The following THAP4 variants were observed in gnomAD, a reference collection of about 807,000 sequenced individuals.
THAP4 encodes THAP domain containing 4.
THAP4 carries 18 observed loss-of-function variants against 48.1 expected under a neutral mutation model. That is an observed-to-expected ratio of 0.37 (90% CI 0.26 to 0.56). THAP4 has a LOEUF of 0.56. Ranked by LOEUF, THAP4 falls within the 20% of genes least tolerant of loss-of-function variation. The pLI is 0.78. For missense variants in THAP4, 656 were observed against 774.9 expected (o/e 0.85, Z 1.82); for synonymous variants, 345 against 324.9 (o/e 1.06, Z -0.66).
At chr2:241,586,952 T>A (rs1486704896) in intron 5 of THAP4, among the ~76,000 whole-genome samples, 1 of 152,206 alleles carries the variant, frequency 6.6e-6, no homozygotes, top group Non-Finnish European at 1.5e-5. Context: ...ATGGCCAATT[T>A]TCTGAGCCTA....
intron 2 of THAP4, among the ~76,000 whole-genome samples, chr2:241,607,373 G>A (rs985464008): frequency 6.6e-6 from 1 of 151,876 alleles, no homozygotes; most frequent in Non-Finnish European, 1.5e-5. Flanking sequence ...TGGATGCACG[G>A]GCCCTGCTCT....
intron 2 of THAP4, among the ~76,000 whole-genome samples, chr2:241,615,120 T>C (rs1559228415): frequency 6.6e-6 from 1 of 152,046 alleles, no homozygotes; most frequent in Non-Finnish European, 1.5e-5. Context: ...CAAAAACGTA[T>C]ATATTCTATG....
chr2:241,592,442 C>T (rs973625992), intron 5 of THAP4, among the ~76,000 whole-genome samples: 3 of 152,288 alleles, frequency 2.0e-5, no homozygotes, highest in South Asian at 2.1e-4. Context: ...GCTCAGTCAC[C>T]GGACATGAGT....
At chr2:241,595,078 T>C (rs1324699594) in intron 5 of THAP4, among the ~76,000 whole-genome samples, 1 of 152,042 alleles carries the variant, frequency 6.6e-6, no homozygotes, top group Non-Finnish European at 1.5e-5. Context: ...AGTGGCGCCA[T>C]CTCAGCTCAT....
chr2:241,623,877 G>A (rs2067464416), intron 2 of THAP4, among the ~76,000 whole-genome samples: 1 of 152,174 alleles, frequency 6.6e-6, no homozygotes, highest in Non-Finnish European at 1.5e-5. Flanking sequence ...GGACACTTCT[G>A]TGGCCACATG....
rs758078148 is a variant in THAP4 at position 241,633,837 on chromosome 2, T to C, written c.320A>G (p.Lys107Arg). Reference protein sequence around the residue: ...HGRTRRKDASKATGGVRGHSS... With the variant: ...HGRTRRKDASRATGGVRGHSS... Reference sequence around the variant, plus strand: ...GTGTCCCCTCACACCCCCTGTGGCCTTGCTGGCATCTTTTCTCCGGGTGCG... The same window carrying C: ...GTGTCCCCTCACACCCCCTGTGGCCCTGCTGGCATCTTTTCTCCGGGTGCG... The change falls in exon 2 of 6, where the codon AAG (lysine) becomes AGG (arginine). Residue 107 changes from lysine to arginine, a missense_variant. Physicochemically the swap from Lys to Arg is conservative, Grantham distance 26. Transcript: ENST00000407315. The surrounding 1 kb of genome is among the most constrained non-coding windows in gnomAD (Gnocchi z 7.5). 1.7e-5 allele frequency: 28 copies of C among 1,613,696 alleles called. No homozygotes were observed. In the African/African-American group the frequency reaches 2.1e-4, roughly 12 times the overall value.
chr2:241,616,981 C>A lies in THAP4; in HGVS notation c.1241-10508G>T, dbSNP rs994184545. 6.6e-6 allele frequency among the ~76,000 whole-genome samples: 1 copy of A among 152,190 alleles called. No homozygotes were observed. The highest frequency in any genetic ancestry group is 6.5e-5 in the Admixed American group (1 of 15,278). On this transcript the variant is annotated intron_variant, in intron 2 of 5. Coordinates refer to ENST00000407315, the MANE Select transcript of THAP4 (RefSeq NM_015963.6). This position sits in a 1 kb window ranked among gnomAD's most constrained non-coding sequence, Gnocchi z 4.6. ...GGGCCGCTCCCCCTGCACCCTCCAC[C>A]ACTTCGGGCCGCGTGGAACGTGGCA... is the stretch of plus-strand genomic sequence containing the variant.
chr2:241,616,517 A>G lies in THAP4; in HGVS notation c.1241-10044T>C, dbSNP rs928750266. 2.6e-5 allele frequency among the ~76,000 whole-genome samples: 4 copies of G among 152,164 alleles called. No homozygotes were observed. Among genetic ancestry groups the G allele is most frequent in the Non-Finnish European group, 2.9e-5 (2 of 68,032 alleles). On this transcript the variant is annotated intron_variant, in intron 2 of 5. Transcript: ENST00000407315. The surrounding 1 kb of genome is among the most constrained non-coding windows in gnomAD (Gnocchi z 4.6). ...CTTTTGAGTGGACTTTGCTATGTGC[A>G]TGCCAGGTCAGGGAAGCAAGTCCCG...
chr2:241,635,862 G>A (rs1225804378), intron 1 of THAP4, among the ~76,000 whole-genome samples: 2 of 152,140 alleles, frequency 1.3e-5, no homozygotes, highest in Non-Finnish European at 2.9e-5. Context: ...TCCACCTGAG[G>A]CCAGTGTGGA....
Position 241,584,519 on chromosome 2 carries a change from A to T in THAP4, c.*87T>A. 6.1e-6 allele frequency: 9 copies of T among 1,474,922 alleles called. No homozygotes were observed. The highest frequency in any genetic ancestry group is 8.5e-6 in the Non-Finnish European group (9 of 1,061,554). 91.4% of individuals were successfully genotyped at this position (1,474,922 alleles called of 1,614,324 possible). A position where few individuals can be genotyped will look rare whatever the true frequency, so the allele number is the denominator to read the frequency against. ...CCTGCAGAGGCTCACGGCCACACCC[A>T]CTTCTGCCGCAGGGACTGTCTGTTG... On this transcript the variant is annotated 3_prime_UTR_variant, in exon 6 of 6. Transcript: ENST00000407315.
intron 2 of THAP4, among the ~76,000 whole-genome samples, chr2:241,622,099 G>A (rs1003172045): frequency 2.0e-5 from 3 of 152,226 alleles, no homozygotes; most frequent in African/African-American, 7.2e-5. Context: ...CGCGGGCGCG[G>A]TGGCTCACGC....
At chr2:241,606,539 G>C in intron 2 of THAP4, 66 bp from the exon 3 acceptor site, 1 of 1,437,586 alleles carries the variant, frequency 7.0e-7, no homozygotes, top group Non-Finnish European at 9.3e-7. Flanking sequence ...GCTTTAAGCA[G>C]AATGCACGTT....
In THAP4 at chr2:241,587,299, A is replaced by G. The variant is rs148708784; in HGVS notation, c.1615-2574T>C. On this transcript the variant is annotated intron_variant, in intron 5 of 5. Transcript: ENST00000407315. ...TGTCCATCTGTTTGCTGGAGCTGGG[A>G]TACACTCTTCCTCCCCCGTCCTTGG... Among the ~76,000 whole-genome samples the G allele has an allele frequency of 6.4e-4, 97 of 152,308 alleles. 1 individual carries two copies. Among genetic ancestry groups the G allele is most frequent in the African/African-American group, 2.0e-3 (82 of 41,562 alleles).
rs555606890 is a variant in THAP4, at chr2:241,630,153, T to A, written c.1240+2764A>T. Among the ~76,000 whole-genome samples, 5 of 152,122 alleles carry A rather than the reference T, an allele frequency of 3.3e-5. No individual in the cohort carries two copies. In the East Asian group the frequency reaches 9.7e-4, roughly 29 times the overall value. On this transcript the variant is annotated intron_variant, in intron 2 of 5. Coordinates refer to ENST00000407315, the MANE Select transcript of THAP4 (RefSeq NM_015963.6). Reference sequence around the variant, plus strand: ...CGCCCAATCTGTGTGCACTGAAAAATCTGTCAACACCCTTTTAAATAACCA... The same window carrying A: ...CGCCCAATCTGTGTGCACTGAAAAAACTGTCAACACCCTTTTAAATAACCA...
chr2:241,619,966 G>T (rs2067400413), intron 2 of THAP4, among the ~76,000 whole-genome samples: 1 of 110,454 alleles, frequency 9.1e-6, no homozygotes. Flanking sequence ...GAGGGGTGAG[G>T]GGTGAGTGAG....
intron 2 of THAP4, 133 bp downstream of exon 2, chr2:241,632,784 G>A (rs542588270): frequency 2.5e-5 from 17 of 680,182 alleles, no homozygotes; most frequent in South Asian, 8.1e-5. Context: ...GTATGGTTAC[G>A]ACCAGAGCTT....
chr2:241,585,935 A>AAAAAAAAAAAAAAAAAAAAAAAAAAG (rs1553553075), intron 5 of THAP4, among the ~76,000 whole-genome samples: 1 of 146,898 alleles, frequency 6.8e-6, no homozygotes, highest in Non-Finnish European at 1.5e-5. Context: ...AAAAAGAAAA[A>AAAAAAAAAAAAAAAAAAAAAAAAAAG]AAAAAGAAAA....
At chr2:241,625,481 C>CAAA (rs67920958) in intron 2 of THAP4, among the ~76,000 whole-genome samples, 3 of 88,450 alleles carry the variant, frequency 3.4e-5, no homozygotes, top group Admixed American at 1.3e-4. Flanking sequence ...GACACTGTCT[C>CAAA]AAAAAAAAAA....
chr2:241,634,187 TGAC>T, intron 1 of THAP4, 108 bp from the exon 2 acceptor site: 1 of 774,846 alleles, frequency 1.3e-6, no homozygotes, highest in East Asian at 2.8e-5. Flanking sequence ...TAAGCCGTAT[TGAC>T]TTCATCCACT....
Sources: allele counts gnomAD v4.1 joint callset (sites outside exome capture counted in the v4.1 genomes callset), GRCh38; gene constraint gnomAD v4.1.1; non-coding constraint Gnocchi (gnomAD v3.1); transcripts MANE v1.5; gene names NCBI Gene and HGNC (gene_info 2026-07-23, HGNC 2026-07-21).